The following SLC25A23 variants were observed in gnomAD, a reference collection of about 807,000 sequenced individuals.
SLC25A23 encodes the protein solute carrier family 25 member 23, also known as mitochondrial adenyl nucleotide antiporter SLC25A23.
SLC25A23 carries 32 observed loss-of-function variants against 53.9 expected under a neutral mutation model. The ratio of observed to expected loss-of-function variants is 0.59; its 90% CI spans 0.45 to 0.80. SLC25A23 has a LOEUF of 0.80. Among genes scored for constraint, SLC25A23 ranks in the 30% least tolerant of loss-of-function variants. SLC25A23 has a pLI of 0.00. For synonymous variants in SLC25A23, 275 were observed against 264.5 expected, an observed-to-expected ratio of 1.04 and a Z score of -0.38; for missense variants, 575 against 651.4, an observed-to-expected ratio of 0.88 and a Z score of 1.28.
Position 6,459,524 on chromosome 19 carries a change from G to T in SLC25A23, c.105C>A (p.Arg35=). 1 of 1,597,776 alleles carries T rather than the reference G, an allele frequency of 6.3e-7. No homozygotes were observed. Residue 35 remains arginine (R), a synonymous_variant, in exon 1 of 10, where the codon CGC becomes CGA. Coordinates refer to ENST00000301454, the MANE Select transcript of SLC25A23 (RefSeq NM_024103.3). The surrounding 1 kb of genome is among the most constrained non-coding windows in gnomAD (Gnocchi z 4.6). ...CCCCGCCCAGCCTGGCCAGCCCCTG[G>T]CGCAACTCGTGCACGTCCACGCGGC... ...KDGRVDVHEL[R]QGLARLGGGN...
At chr19:6,457,658 G>A in intron 2 of SLC25A23, 68 bp from the exon 3 acceptor site, 1 of 1,368,494 alleles carries the variant, frequency 7.3e-7, no homozygotes, top group East Asian at 2.3e-5. Flanking sequence ...CAGGACCAAG[G>A]ATCAGAACAG....
At chr19:6,437,063 G>A (rs936641277), downstream of SLC25A23, among the ~76,000 whole-genome samples, 1 of 152,010 alleles carries the variant, frequency 6.6e-6, no homozygotes, top group Non-Finnish European at 1.5e-5. Flanking sequence ...TGGCCAGGCT[G>A]GTCTCAAACT....
downstream of SLC25A23, among the ~76,000 whole-genome samples, chr19:6,437,181 A>C (rs1041792161): frequency 1.3e-5 from 2 of 151,184 alleles, no homozygotes; most frequent in South Asian, 2.1e-4. Flanking sequence ...CTAATTGAAA[A>C]ATTTTTTGTA....
chr19:6,454,128 G>A lies in SLC25A23; in HGVS notation c.796-40C>T, dbSNP rs2092638308. On this transcript the variant is annotated intron_variant, in intron 6 of 9. Transcript: ENST00000301454. The surrounding 1 kb of genome is among the most constrained non-coding windows in gnomAD (Gnocchi z 4.3). ...CACAGGGATGGGTAGGACCATGGGG[G>A]TTGAACCTTCCTTGCACTCCACTGT... 1.3e-6 allele frequency: 2 copies of A among 1,581,980 alleles called. No individual in the cohort carries two copies.
At chr19:6,443,217 G>A (rs1030427350) in intron 9 of SLC25A23, among the ~76,000 whole-genome samples, 3 of 151,958 alleles carry the variant, frequency 2.0e-5, no homozygotes, top group Admixed American at 6.6e-5. Context: ...GGGATGGCAG[G>A]CGTGAGCCAC....
At chr19:6,449,059 T>C (rs981200997) in intron 8 of SLC25A23, among the ~76,000 whole-genome samples, 1 of 151,524 alleles carries the variant, frequency 6.6e-6, no homozygotes, top group South Asian at 2.1e-4. Flanking sequence ...AAAGACTAGA[T>C]TAATGTGGCC....
chr19:6,443,518 G>C, intron 9 of SLC25A23: 1 of 690,958 alleles, frequency 1.4e-6, no homozygotes, highest in African/African-American at 1.8e-5. Flanking sequence ...GTGAGCCACT[G>C]TGCCCGGCCT....
intron 8 of SLC25A23, among the ~76,000 whole-genome samples, chr19:6,447,356 C>T (rs1161819883): frequency 6.6e-6 from 1 of 152,176 alleles, no homozygotes; most frequent in East Asian, 1.9e-4. Flanking sequence ...GGCTGGAGTG[C>T]AGTGGTGAAA....
chr19:6,450,550 C>T (rs576087237), intron 8 of SLC25A23, among the ~76,000 whole-genome samples: 5 of 152,248 alleles, frequency 3.3e-5, no homozygotes, highest in African/African-American at 7.2e-5. Flanking sequence ...TGCCACAATC[C>T]GCACAGTGTC....
In SLC25A23 at chr19:6,440,180, C is replaced by T. The variant is rs993795672; in HGVS notation, c.*1795G>A. On this transcript the variant is annotated 3_prime_UTR_variant, in exon 10 of 10. Transcript: ENST00000301454. ...TGGAAGCGTGCGGAAGTCCTCCAGC[C>T]CCTCCCCAAATCCCAGTTCCCCTTT... 4.6e-5 allele frequency: 7 copies of T among 152,416 alleles called. No homozygotes were observed. The highest frequency in any genetic ancestry group is 1.7e-4 in the African/African-American group (7 of 41,402). The allele number at this position is 152,416 out of a possible 1,614,324, so 9.4% of individuals were successfully genotyped here.
Position 6,454,338 on chromosome 19 carries a change from G to T in SLC25A23, c.780C>A (p.Phe260Leu), listed in dbSNP as rs192489049. 1.9e-6 allele frequency: 3 copies of T among 1,614,070 alleles called. No homozygotes were observed. The highest frequency in any genetic ancestry group is 3.3e-5 in the Admixed American group (2 of 59,994). The change falls in exon 6 of 10, where the codon TTC (phenylalanine) becomes TTA (leucine). Residue 260 changes from phenylalanine (F) to leucine (L), a missense_variant. Phe to Leu is a conservative substitution (Grantham distance 22, BLOSUM62 0). Coordinates refer to ENST00000301454, the MANE Select transcript of SLC25A23 (RefSeq NM_024103.3). The surrounding 1 kb of genome is among the most constrained non-coding windows in gnomAD (Gnocchi z 4.3). Reference protein sequence around the residue: ...LKIAPESAIKFMAYEQIKRAI... With the variant: ...LKIAPESAIKLMAYEQIKRAI... ...CTGCCCTCACCTGTTCATAGGCCAT[G>T]AACTTGATAGCTGACTCGGGGGCAA...
intron 8 of SLC25A23, 29 bp from the exon 9 acceptor site, chr19:6,444,330 T>TG: frequency 3.3e-5 from 28 of 837,504 alleles, no homozygotes; most frequent in Non-Finnish European, 5.0e-5. Context: ...TAGGGAGGGT[T>TG]GGGGTGGGTG....
In SLC25A23 at chr19:6,444,271, T is replaced by C. The variant is rs369189459; in HGVS notation, c.1102A>G (p.Ser368Gly). The change falls in exon 9 of 10, where the codon AGC becomes GGC. Residue 368 changes from serine to glycine, a missense_variant. Transcript: ENST00000301454. ...TLKNWWLQQY[S>G]HDSADPGILV... The stretch of plus-strand genomic sequence containing the variant: ...ATGCCTGGGTCTGCCGAGTCGTGGC[T>C]GTACTGCTGAAGCCACCAGTTCTTC... 6.2e-7 allele frequency: 1 copy of C among 1,608,208 alleles called. No individual in the cohort carries two copies. The highest frequency in any genetic ancestry group is 1.3e-5 in the African/African-American group (1 of 74,896).
chr19:6,456,001 G>C (rs1263298285), intron 4 of SLC25A23: 2 of 1,294,534 alleles, frequency 1.5e-6, no homozygotes, highest in Non-Finnish European at 2.0e-6. Context: ...TTTTAGGTGT[G>C]AGCCACTGCG....
rs201786094 is a variant in SLC25A23, at chr19:6,441,201, T to TA, written c.*773dup. The TA allele has an allele frequency of 8.8e-3, 1,317 of 150,284 alleles. 11 individuals carry two copies. Among genetic ancestry groups the TA allele is most frequent in the Non-Finnish European group, 0.012 (818 of 67,484 alleles). The allele number at this position is 150,284 out of a possible 1,614,324, so 9.3% of individuals were successfully genotyped here. On this transcript the variant is annotated 3_prime_UTR_variant, in exon 10 of 10. Coordinates refer to ENST00000301454, the MANE Select transcript of SLC25A23 (RefSeq NM_024103.3). ...AGGATCTGAGACCCAGTGTCGAGGTTAAAAAAAAACAAAAAACCAAAAACC... is the reference window on the plus strand; with the variant it reads ...AGGATCTGAGACCCAGTGTCGAGGTTAAAAAAAAAACAAAAAACCAAAAACC...
rs2092417198 is a variant in SLC25A23 at position 6,441,250 on chromosome 19, G to A, written c.*725C>T. ...CCAATGCAGGAATCCAGTGGGTGGA[G>A]TGAGGGGATCTGGGATCCAGTGATG... On this transcript the variant is annotated 3_prime_UTR_variant, in exon 10 of 10. Transcript: ENST00000301454. The A allele has an allele frequency of 6.6e-6, 1 of 152,588 alleles. No individual in the cohort carries two copies. Among genetic ancestry groups the A allele is most frequent in the African/African-American group, 2.4e-5 (1 of 41,454 alleles). 9.5% of individuals were successfully genotyped at this position (152,588 alleles called of 1,614,324 possible).
At chr19:6,457,017 G>A (rs1440923878) in intron 3 of SLC25A23, among the ~76,000 whole-genome samples, 2 of 151,628 alleles carry the variant, frequency 1.3e-5, no homozygotes, top group East Asian at 3.9e-4. Flanking sequence ...CGGGCTAAGA[G>A]AGGCAACTGG....
At chr19:6,442,273 G>T in intron 9 of SLC25A23, 114 bp from the exon 10 acceptor site, 1 of 687,012 alleles carries the variant, frequency 1.5e-6, no homozygotes, top group Non-Finnish European at 2.4e-6. Flanking sequence ...AAGGAGGTTA[G>T]ACTAACAGTG....
downstream of SLC25A23, chr19:6,438,055 A>C (rs1399726391): frequency 6.6e-6 from 1 of 151,660 alleles, no homozygotes; most frequent in East Asian, 1.9e-4. Context: ...AAAAAAAAAA[A>C]AAAAAACAAA....
Sources: gnomAD v4.1 joint callset for allele counts (sites outside exome capture counted in the v4.1 genomes callset) on GRCh38, gnomAD v4.1.1 for gene constraint, Gnocchi (gnomAD v3.1) non-coding constraint, MANE v1.5 for transcripts, NCBI Gene and HGNC (gene_info 2026-07-23, HGNC 2026-07-21) for gene names.